The following ADGRG1 variants were observed in gnomAD, a reference collection of about 807,000 sequenced individuals.
The protein encoded by ADGRG1 is adhesion G protein-coupled receptor G1.
A neutral mutation model predicts 73.5 loss-of-function variants in ADGRG1; 53 were observed. That is an observed-to-expected ratio of 0.72 (90% CI 0.58 to 0.91). The LOEUF is 0.91. Ranked by LOEUF, ADGRG1 falls within the 40% of genes least tolerant of loss-of-function variation. ADGRG1 has a pLI of 0.00. For synonymous variants in ADGRG1, 394 were observed against 374.4 expected (o/e 1.05, Z -0.60); for missense variants, 795 against 871.8 (o/e 0.91, Z 1.11).
In ADGRG1 at chr16:57,656,012, C is replaced by G. The variant is rs984495987; in HGVS notation, c.1017+20C>G. 3.1e-6 allele frequency: 5 copies of G among 1,613,982 alleles called. No individual in the cohort carries two copies. The highest frequency in any genetic ancestry group is 1.1e-5 in the South Asian group (1 of 91,082). Reference sequence around the variant, plus strand: ...CAGCCGGTGAGTGGGGGCCAGCCATCAAGAGAACAAGCGCCCCTCGGCCAT... The same window carrying G: ...CAGCCGGTGAGTGGGGGCCAGCCATGAAGAGAACAAGCGCCCCTCGGCCAT... On this transcript the variant is annotated intron_variant, in intron 7 of 13. Coordinates refer to ENST00000562631, the MANE Select transcript of ADGRG1 (RefSeq NM_201525.4).
At position 57,651,437 on chromosome 16, in the gene ADGRG1, T is replaced by G; in HGVS notation, c.302T>G (p.Leu101Ter). 6.2e-7 allele frequency: 1 copy of G among 1,614,164 alleles called. No individual in the cohort carries two copies. Among genetic ancestry groups the G allele is most frequent in the Non-Finnish European group, 8.5e-7 (1 of 1,180,022 alleles). ...TACTGGAACCGACATGCTGGGAGAT[T>G]ACATCTTCTCTATGGCAAGCGTGAC... ...CLYWNRHAGR[L>*]HLLYGKRDFL... Residue 101 changes from leucine (L) to a stop codon, truncating the protein, a stop_gained, in exon 3 of 14, where the codon TTA becomes TGA. Coordinates refer to ENST00000562631, the MANE Select transcript of ADGRG1 (RefSeq NM_201525.4). LOFTEE classifies it high-confidence loss of function.
chr16:57,662,057 C>T lies in ADGRG1; in HGVS notation c.1933+92C>T, dbSNP rs528095586. ...ATCACCCAGGGAACCTGAAGACTTCCCTTCTCTGGGCCTCAGTCATCCCAT... is the reference window on the plus strand; with the variant it reads ...ATCACCCAGGGAACCTGAAGACTTCTCTTCTCTGGGCCTCAGTCATCCCAT... On this transcript the variant is annotated intron_variant, in intron 13 of 13. Transcript: ENST00000562631. 4.9e-6 allele frequency: 5 copies of T among 1,029,646 alleles called. No individual in the cohort carries two copies. The East Asian group carries it at 1.2e-4, about 24-fold the overall frequency. 63.8% of individuals were successfully genotyped at this position (1,029,646 alleles called of 1,614,324 possible).
At chr16:57,635,226 T>TG in intron 1 of ADGRG1, 1 of 985,354 alleles carries the variant, frequency 1.0e-6, no homozygotes, top group Non-Finnish European at 1.2e-6. Context: ...CCATGGGCAG[T>TG]GGGCAAAGCT....
chr16:57,642,297 C>T (rs2041038816), intron 1 of ADGRG1: 41 of 985,344 alleles, frequency 4.2e-5, no homozygotes, highest in Non-Finnish European at 4.8e-5. Context: ...ATACCCCAGG[C>T]TCACCAGGGA....
chr16:57,657,569 C>G, intron 10 of ADGRG1, 78 bp downstream of exon 10: 1 of 1,078,564 alleles, frequency 9.3e-7, no homozygotes, highest in Non-Finnish European at 1.4e-6. Context: ...CACACATCTC[C>G]GGTCATGGCC....
At chr16:57,626,719 T>TGTGGTG, upstream of ADGRG1, 1 of 984,736 alleles carries the variant, frequency 1.0e-6, no homozygotes, top group Non-Finnish European at 1.2e-6. Flanking sequence ...GGGGTGTGTG[T>TGTGGTG]GTGGTGGTGG....
chr16:57,627,746 G>A, upstream of ADGRG1: 1 of 964,590 alleles, frequency 1.0e-6, no homozygotes, highest in Non-Finnish European at 1.2e-6. Context: ...GAGGAGGGCA[G>A]ACAGGAGCCT....
rs2036419051 is a variant in ADGRG1, at chr16:57,628,700, G to A, written c.-138G>A. 4.1e-6 allele frequency: 4 copies of A among 985,394 alleles called. No individual in the cohort carries two copies. The highest frequency in any genetic ancestry group is 6.1e-5 in the Admixed American group (1 of 16,272). The allele number at this position is 985,394 out of a possible 1,614,324, so 61.0% of individuals were successfully genotyped here. ...CCTCCCACGCTCTCCAGCTCACTCG[G>A]CAGGCAGCGGGGACCAGGGCTGGCA... On this transcript the variant is annotated 5_prime_UTR_variant, in exon 1 of 14. Transcript: ENST00000562631.
rs1322913251 is a variant in ADGRG1 at position 57,665,442 on chromosome 16, C to T, written c.*1860C>T. 1.3e-5 allele frequency: 2 copies of T among 152,156 alleles called. No individual in the cohort carries two copies. The highest frequency in any genetic ancestry group is 2.9e-5 in the Non-Finnish European group (2 of 68,042). The allele number at this position is 152,156 out of a possible 1,614,324, so 9.4% of individuals were successfully genotyped here. ...CCTGATTTTAAAATTTTGGCGAATCCAAAACATTTTCTGGCCAAAGAGATT... is the reference window on the plus strand; with the variant it reads ...CCTGATTTTAAAATTTTGGCGAATCTAAAACATTTTCTGGCCAAAGAGATT... On this transcript the variant is annotated 3_prime_UTR_variant, in exon 14 of 14. Transcript: ENST00000562631.
chr16:57,629,935 A>AG (rs1447597907), intron 1 of ADGRG1: 2 of 844,914 alleles, frequency 2.4e-6, no homozygotes, highest in Non-Finnish European at 2.9e-6. Context: ...CGTAGGGAGG[A>AG]GGGGATGGGT....
Position 57,639,914 on chromosome 16 carries a change from G to A in ADGRG1, c.-35-10339G>A, listed in dbSNP as rs546798980. On this transcript the variant is annotated intron_variant, in intron 1 of 13. Coordinates refer to ENST00000562631, the MANE Select transcript of ADGRG1 (RefSeq NM_201525.4). ...CTAGGGACCCTGGGGGGGTCAGATG[G>A]TACTCCAAGGGACTTGGGCAGTTTA... The A allele has an allele frequency of 3.5e-5, 33 of 952,096 alleles. 2 individuals carry two copies. In the South Asian group the frequency reaches 1.4e-3, roughly 41 times the overall value. The allele number at this position is 952,096 out of a possible 1,614,324, so 59.0% of individuals were successfully genotyped here.
intron 1 of ADGRG1, chr16:57,640,833 C>T (rs1305446986): frequency 1.9e-5 from 18 of 951,912 alleles, no homozygotes; most frequent in African/African-American, 8.8e-5. Context: ...AAGTGTCCTG[C>T]GCTCCAAAGA....
At chr16:57,639,659 A>G in intron 1 of ADGRG1, 1 of 985,544 alleles carries the variant, frequency 1.0e-6, no homozygotes, top group Non-Finnish European at 1.2e-6. Flanking sequence ...CTGATGCCAC[A>G]AAGGAGTCCA....
In ADGRG1 at chr16:57,646,362, G is replaced by A. The variant is rs1033091350; in HGVS notation, c.-35-3891G>A. 1.2e-5 allele frequency: 12 copies of A among 981,994 alleles called. No individual in the cohort carries two copies. In the African/African-American group the frequency reaches 2.1e-4, roughly 17 times the overall value. 60.8% of individuals were successfully genotyped at this position (981,994 alleles called of 1,614,324 possible). A position where few individuals can be genotyped will look rare whatever the true frequency, so the allele number is the denominator to read the frequency against. On this transcript the variant is annotated intron_variant, in intron 1 of 13. Coordinates refer to ENST00000562631, the MANE Select transcript of ADGRG1 (RefSeq NM_201525.4). ...TGGGGGTGGGGCGGGGGATGGGCTG[G>A]TGGTGGGGTGGGGGTCTCAGCTCAG...
chr16:57,654,822 G>A (rs920593508), intron 5 of ADGRG1, among the ~76,000 whole-genome samples: 1 of 152,220 alleles, frequency 6.6e-6, no homozygotes, highest in Non-Finnish European at 1.5e-5. Flanking sequence ...GGAGGTTGCA[G>A]TGAGCTGAGA....
At chr16:57,636,004 A>T (rs2039261795) in intron 1 of ADGRG1, 1 of 985,064 alleles carries the variant, frequency 1.0e-6, no homozygotes, top group Non-Finnish European at 1.2e-6. Flanking sequence ...AGTCCTCGGG[A>T]CACACCCCAC....
intron 1 of ADGRG1, chr16:57,643,535 C>A: frequency 1.0e-6 from 1 of 982,516 alleles, no homozygotes; most frequent in Non-Finnish European, 1.2e-6. Flanking sequence ...GCCACGGGGA[C>A]AGTGAGGCCT....
At chr16:57,640,816 G>A in intron 1 of ADGRG1, 4 of 881,054 alleles carry the variant, frequency 4.5e-6, no homozygotes, top group Non-Finnish European at 5.4e-6. Flanking sequence ...GCCAGCCTGG[G>A]AATGCTAAGT....
chr16:57,649,099 C>T (rs1045050731), intron 1 of ADGRG1, among the ~76,000 whole-genome samples: 1 of 152,202 alleles, frequency 6.6e-6, no homozygotes, highest in African/African-American at 2.4e-5. Context: ...TTGCTCCATC[C>T]TTGCCAGGGC....
Sources: gnomAD v4.1 joint callset for allele counts (sites outside exome capture counted in the v4.1 genomes callset) on GRCh38, gnomAD v4.1.1 for gene constraint, MANE v1.5 for transcripts, NCBI Gene and HGNC (gene_info 2026-07-23, HGNC 2026-07-21) for gene names.